Variants in PCDH15 observed in about 807,000 individuals in gnomAD.
The protein encoded by PCDH15 is protocadherin-15.
In PCDH15, 129 loss-of-function variants were observed where a neutral mutation model predicts 178.5. The observed-to-expected ratio is 0.72, with a 90% confidence interval of 0.63 to 0.84. The LOEUF is 0.84. Among genes scored for constraint, PCDH15 ranks in the 40% least tolerant of loss-of-function variants. The pLI is 0.00. For synonymous variants in PCDH15, 800 were observed against 732.0 expected (o/e 1.09, Z -1.50); for missense variants, 2,230 against 2,099.9 (o/e 1.06, Z -1.21).
At chr10:54,167,016 C>G (rs533370335) in intron 13 of PCDH15, among the ~76,000 whole-genome samples, 1 of 152,336 alleles carries the variant, frequency 6.6e-6, no homozygotes, top group Non-Finnish European at 1.5e-5. Context: ...ACCCTTATCT[C>G]CCTTCGCTGA....
intron 2 of PCDH15, among the ~76,000 whole-genome samples, chr10:55,410,578 T>A (rs1046688271): frequency 7.2e-5 from 11 of 152,102 alleles, no homozygotes; most frequent in Non-Finnish European, 1.6e-4. Context: ...GATAAAGCAA[T>A]TCTCTCTGAT....
At chr10:54,976,073 C>G (rs138402122) in intron 2 of PCDH15, among the ~76,000 whole-genome samples, 56 of 152,198 alleles carry the variant, frequency 3.7e-4, no homozygotes, top group African/African-American at 1.3e-3. Flanking sequence ...TGGAATTGAG[C>G]AATCTCTCAG....
chr10:54,630,036 T>C (rs1424496017), intron 2 of PCDH15, among the ~76,000 whole-genome samples: 1 of 152,058 alleles, frequency 6.6e-6, no homozygotes, highest in Non-Finnish European at 1.5e-5. Context: ...ACAAAGGAGA[T>C]GAAAGATTTC....
intron 2 of PCDH15, among the ~76,000 whole-genome samples, chr10:55,143,320 G>A (rs1256121154): frequency 6.6e-6 from 1 of 151,954 alleles, no homozygotes; most frequent in African/African-American, 2.4e-5. Context: ...AAGAGAAATA[G>A]ATTGACTTAA....
chr10:55,560,841 A>G (rs1842182983), intron 2 of PCDH15, among the ~76,000 whole-genome samples: 1 of 151,690 alleles, frequency 6.6e-6, no homozygotes. Flanking sequence ...ATAAAGACTA[A>G]CATGTAAATA....
At chr10:55,533,337 A>C (rs563321728) in intron 2 of PCDH15, among the ~76,000 whole-genome samples, 25 of 152,192 alleles carry the variant, frequency 1.6e-4, no homozygotes, top group Non-Finnish European at 3.4e-4. Flanking sequence ...AACTCTAAAG[A>C]CTTCACCAAG....
At chr10:53,862,992 G>A (rs2079197854) in intron 27 of PCDH15, among the ~76,000 whole-genome samples, 1 of 152,126 alleles carries the variant, frequency 6.6e-6, no homozygotes, top group African/African-American at 2.4e-5. Context: ...AAAGTGATTT[G>A]GTCATCAAAT....
chr10:54,421,643 A>T (rs1305587609), intron 3 of PCDH15, among the ~76,000 whole-genome samples: 6 of 132,714 alleles, frequency 4.5e-5, no homozygotes, highest in African/African-American at 1.7e-4. Context: ...GCCTACATTT[A>T]TATATGTACA....
intron 3 of PCDH15, among the ~76,000 whole-genome samples, chr10:54,861,414 C>G (rs1266661541): frequency 6.6e-6 from 1 of 151,928 alleles, no homozygotes; most frequent in African/African-American, 2.4e-5. Context: ...CAAGTTTGAA[C>G]CGGGAAGAAA....
chr10:55,352,207 T>C (rs148654101), intron 2 of PCDH15, among the ~76,000 whole-genome samples: 2,403 of 152,306 alleles, frequency 0.016, 37 homozygotes, highest in Non-Finnish European at 0.022. Context: ...ATCACTTTAA[T>C]ATGTGTTTAT....
At chr10:54,405,500 A>G (rs1223300586) in intron 3 of PCDH15, among the ~76,000 whole-genome samples, 1 of 152,012 alleles carries the variant, frequency 6.6e-6, no homozygotes, top group Non-Finnish European at 1.5e-5. Context: ...ATGTGGACAC[A>G]TAGAGGGGAA....
At chr10:54,779,887 T>C (rs1223714057) in intron 1 of PCDH15, among the ~76,000 whole-genome samples, 3 of 152,070 alleles carry the variant, frequency 2.0e-5, no homozygotes, top group African/African-American at 7.2e-5. Flanking sequence ...TGGGCTAATA[T>C]TCTCCAGAAA....
At chr10:54,869,541 T>C (rs893433754) in intron 3 of PCDH15, among the ~76,000 whole-genome samples, 1 of 152,204 alleles carries the variant, frequency 6.6e-6, no homozygotes, top group African/African-American at 2.4e-5. Context: ...AGTAGGCTTA[T>C]ATCTCAGAAC....
chr10:55,341,207 C>G (rs1844547354), intron 2 of PCDH15, among the ~76,000 whole-genome samples: 2 of 151,950 alleles, frequency 1.3e-5, no homozygotes, highest in South Asian at 4.2e-4. Flanking sequence ...TTAAAGGCTA[C>G]TATAATTCCC....
intron 1 of PCDH15, among the ~76,000 whole-genome samples, chr10:55,215,556 G>A (rs1215791393): frequency 1.3e-5 from 2 of 151,986 alleles, no homozygotes; most frequent in Non-Finnish European, 2.9e-5. Flanking sequence ...GGTCACATGT[G>A]CAAAATTTAA....
Position 53,961,876 on chromosome 10 carries a change from C to A in PCDH15, c.2885G>T (p.Arg962Leu), listed in dbSNP as rs45483395. 4,839 of 1,608,790 alleles carry A rather than the reference C, an allele frequency of 3.0e-3. 11 individuals carry two copies. Among genetic ancestry groups the A allele is most frequent in the Admixed American group, 5.9e-3 (354 of 59,966 alleles). Residue 962 changes from arginine (R) to leucine (L), a missense_variant, in exon 22 of 38, where the codon CGT (arginine) becomes CTT (leucine). Coordinates refer to ENST00000644397, the MANE Select transcript of PCDH15 (RefSeq NM_001384140.1). Reference protein sequence around the residue: ...DADPPGLPASRVRYRVDDVQF... With the variant: ...DADPPGLPASLVRYRVDDVQF... ...TACATCATCTACTCTATACCTCACA[C>A]GACTTGCAGGTAATCCCTAAAATAA...
chr10:54,754,230 T>G (rs911391370), intron 1 of PCDH15, among the ~76,000 whole-genome samples: 3 of 152,232 alleles, frequency 2.0e-5, no homozygotes, highest in Admixed American at 1.3e-4. Context: ...CTTTAGATTA[T>G]AACATTGCTA....
intron 2 of PCDH15, among the ~76,000 whole-genome samples, chr10:55,537,728 C>G (rs1039364621): frequency 6.6e-6 from 1 of 152,058 alleles, no homozygotes; most frequent in African/African-American, 2.4e-5. Flanking sequence ...CCACCATGCC[C>G]GGCCACACCT....
chr10:54,138,192 A>T (rs1399028739), intron 14 of PCDH15, among the ~76,000 whole-genome samples: 1 of 151,978 alleles, frequency 6.6e-6, no homozygotes, highest in African/African-American at 2.4e-5. Flanking sequence ...GTTAGTATGG[A>T]CACTTTTTGG....
Sources: gnomAD v4.1 joint callset for allele counts (sites outside exome capture counted in the v4.1 genomes callset) on GRCh38, gnomAD v4.1.1 for gene constraint, MANE v1.5 for transcripts, NCBI Gene and HGNC (gene_info 2026-07-23, HGNC 2026-07-21) for gene names.